HOXC4: variants seen among roughly 807,000 people sequenced by gnomAD.
HOXC4 encodes the protein homeobox C4, also known as homeobox protein Hox-C4.
HOXC4 carries 15 observed loss-of-function variants against 25.5 expected under a neutral mutation model. The observed-to-expected ratio is 0.59, with a 90% CI of 0.39 to 0.91. The LOEUF is 0.91. HOXC4 is among the 40% of genes least tolerant of loss of function. The pLI, the probability that HOXC4 is intolerant of heterozygous loss-of-function variation, is 0.00. For missense variants in HOXC4, 342 were observed against 352.4 expected, an observed-to-expected ratio of 0.97 and a Z score of 0.24; for synonymous variants, 165 against 148.0, an observed-to-expected ratio of 1.11 and a Z score of -0.83.
At chr12:54,037,810 TATC>T (rs1941212894) in intron 1 of HOXC4, 1 of 152,248 alleles carries the variant, frequency 6.6e-6, no homozygotes, top group African/African-American at 2.4e-5. Flanking sequence ...GACCACGTGA[TATC>T]ATTAAACCAA....
chr12:54,034,197 G>A lies in HOXC4; in HGVS notation c.-124+16783G>A, dbSNP rs1941110790. 6.8e-6 allele frequency: 9 copies of A among 1,329,858 alleles called. 1 individual carries two copies. Among genetic ancestry groups the A allele is most frequent in the Middle Eastern group, 2.3e-4 (1 of 4,270 alleles). The allele number at this position is 1,329,858 out of a possible 1,614,324, so 82.4% of individuals were successfully genotyped here. On this transcript the variant is annotated intron_variant, in intron 1 of 3. Transcript: ENST00000303406. ...CCTCCTCTCCCTCCGGCCGCGGGTGGGGGCCTGGGCTGGGGTGGGGACGGG... is the reference window on the plus strand; with the variant it reads ...CCTCCTCTCCCTCCGGCCGCGGGTGAGGGCCTGGGCTGGGGTGGGGACGGG...
At position 54,018,789 on chromosome 12, in the gene HOXC4, G is replaced by T. The variant is rs373444969; in HGVS notation, c.-124+1375G>T. Among the ~76,000 whole-genome samples the T allele has an allele frequency of 2.6e-5, 4 of 152,210 alleles. No individual in the cohort carries two copies. The South Asian group carries it at 8.3e-4, about 32-fold the overall frequency. ...GGGGAACATATTCCAGACGAGGTCC[G>T]AGAGAACCTGGGGGCCAGACTTACC... On this transcript the variant is annotated intron_variant, in intron 1 of 3. Transcript: ENST00000303406.
chr12:54,054,759 C>T (rs1402691050), intron 1 of HOXC4, 91 bp from the exon 2 acceptor site: 2 of 825,078 alleles, frequency 2.4e-6, no homozygotes, highest in Non-Finnish European at 3.9e-6. Flanking sequence ...ACTCCCTCCT[C>T]CTGTTTCTCA....
intron 1 of HOXC4, among the ~76,000 whole-genome samples, chr12:54,048,566 C>T (rs1175785647): frequency 6.6e-6 from 1 of 152,138 alleles, no homozygotes; most frequent in Non-Finnish European, 1.5e-5. Flanking sequence ...GGTGACCCGA[C>T]CAAGTCCTCA....
chr12:54,053,425 G>A (rs1937892709), upstream of HOXC4: 1 of 147,118 alleles, frequency 6.8e-6, no homozygotes, highest in Non-Finnish European at 1.5e-5. Flanking sequence ...TGCGAAAGAG[G>A]GGCGCTGCCC....
chr12:54,020,243 C>G (rs1390492457), intron 1 of HOXC4: 4 of 152,204 alleles, frequency 2.6e-5, no homozygotes, highest in Non-Finnish European at 5.9e-5. Flanking sequence ...CTCTGCACAC[C>G]CGGGGCAGAG....
intron 1 of HOXC4, among the ~76,000 whole-genome samples, chr12:54,031,478 C>G (rs1255353579): frequency 6.6e-6 from 1 of 152,202 alleles, no homozygotes; most frequent in Non-Finnish European, 1.5e-5. Flanking sequence ...CAGCTCCAGC[C>G]GGGCTGGTTC....
Position 54,055,239 on chromosome 12 carries a change from C to G in HOXC4, c.*34C>G. The stretch of plus-strand genomic sequence containing the variant: ...TCACACCCCTGCCCCCACCCCATGC[C>G]CCCACCCTCCCCTCACACACAAATT... On this transcript the variant is annotated 3_prime_UTR_variant, in exon 2 of 2. Transcript: ENST00000430889. The G allele has an allele frequency of 9.5e-7, 1 of 1,051,664 alleles. No homozygotes were observed. Among genetic ancestry groups the G allele is most frequent in the South Asian group, 1.8e-5 (1 of 55,380 alleles). 65.1% of individuals were successfully genotyped at this position (1,051,664 alleles called of 1,614,324 possible).
intron 1 of HOXC4, among the ~76,000 whole-genome samples, chr12:54,041,679 C>G (rs1204616519): frequency 6.6e-6 from 1 of 152,174 alleles, no homozygotes; most frequent in Non-Finnish European, 1.5e-5. Flanking sequence ...CCACACTGCT[C>G]CATCTGCTTA....
chr12:54,031,651 C>A lies in HOXC4; in HGVS notation c.-124+14237C>A, dbSNP rs138191968. 2.0e-3 allele frequency among the ~76,000 whole-genome samples: 297 copies of A among 152,280 alleles called. 1 individual carries two copies. Among genetic ancestry groups the A allele is most frequent in the African/African-American group, 6.7e-3 (280 of 41,552 alleles). ...AGGGTCTCCGGAGGGAAAAAATCCG[C>A]CAGAGTTTTCCGGGCCCTTCAGATT... On this transcript the variant is annotated intron_variant, in intron 1 of 3. Transcript: ENST00000303406.
chr12:54,041,107 C>A (rs567691144), intron 1 of HOXC4, among the ~76,000 whole-genome samples: 1 of 152,194 alleles, frequency 6.6e-6, no homozygotes, highest in African/African-American at 2.4e-5. Flanking sequence ...TGGCCAATAG[C>A]CATCAAAAGG....
chr12:54,033,802 G>A (rs1311591329), intron 1 of HOXC4: 18 of 575,184 alleles, frequency 3.1e-5, no homozygotes, highest in Non-Finnish European at 4.9e-5. Context: ...TTCAATTTTT[G>A]GGGGAGAGGG....
chr12:54,051,783 G>T (rs1937852138), upstream of HOXC4, among the ~76,000 whole-genome samples: 1 of 152,198 alleles, frequency 6.6e-6, no homozygotes, highest in Non-Finnish European at 1.5e-5. Flanking sequence ...AGGAGGGAAG[G>T]CAACGAGGGC....
chr12:54,025,235 T>G (rs1324629805), intron 1 of HOXC4, among the ~76,000 whole-genome samples: 3 of 152,204 alleles, frequency 2.0e-5, no homozygotes, highest in African/African-American at 7.2e-5. Flanking sequence ...CTGTTCTTGC[T>G]TCTGCTGATG....
intron 1 of HOXC4, among the ~76,000 whole-genome samples, chr12:54,026,455 C>T (rs1940701183): frequency 6.6e-6 from 1 of 152,202 alleles, no homozygotes; most frequent in Admixed American, 6.5e-5. Flanking sequence ...TGAGATAACT[C>T]ATCTAAAATT....
chr12:54,032,669 TCTC>T (rs1327686224), intron 1 of HOXC4, among the ~76,000 whole-genome samples: 1 of 152,152 alleles, frequency 6.6e-6, no homozygotes, highest in African/African-American at 2.4e-5. Flanking sequence ...ACAACCAGCT[TCTC>T]CTTCACAGTG....
chr12:54,029,001 G>A, intron 1 of HOXC4: 2 of 1,413,832 alleles, frequency 1.4e-6, no homozygotes, highest in Non-Finnish European at 1.9e-6. Context: ...AACGGGCGGA[G>A]AGAGTTTTTT....
chr12:54,038,574 T>C (rs1478017400), intron 1 of HOXC4, among the ~76,000 whole-genome samples: 1 of 152,052 alleles, frequency 6.6e-6, no homozygotes, highest in African/African-American at 2.4e-5. Flanking sequence ...GGTCCCAGAG[T>C]GCCCCCTCCC....
chr12:54,028,595 C>A (rs1290792327), intron 1 of HOXC4: 2 of 1,614,054 alleles, frequency 1.2e-6, no homozygotes, highest in African/African-American at 1.3e-5. Flanking sequence ...CCCAACGTCG[C>A]CCTCAATTCC....
Sources: allele counts gnomAD v4.1 joint callset (sites outside exome capture counted in the v4.1 genomes callset), GRCh38; gene constraint gnomAD v4.1.1; transcripts MANE v1.5; gene names NCBI Gene and HGNC (gene_info 2026-07-23, HGNC 2026-07-21).